The following SLIRP variants were observed in gnomAD, a reference collection of about 807,000 sequenced individuals.
SLIRP encodes SRA stem-loop-interacting RNA-binding protein, mitochondrial.
A neutral mutation model predicts 13.4 loss-of-function variants in SLIRP; 12 were observed. The ratio of observed to expected loss-of-function variants is 0.89; its 90% CI spans 0.57 to 1.45. SLIRP has a LOEUF of 1.45. Among genes scored for constraint, SLIRP ranks in the 40% most tolerant of loss-of-function variants. SLIRP has a pLI of 0.00. For missense variants in SLIRP, 154 were observed against 132.2 expected (o/e 1.17, Z -0.81); for synonymous variants, 55 against 47.1 (o/e 1.17, Z -0.69).
At chr14:77,715,281 C>G (rs2080467534) in intron 2 of SLIRP, among the ~76,000 whole-genome samples, 1 of 152,098 alleles carries the variant, frequency 6.6e-6, no homozygotes, top group African/African-American at 2.4e-5. Flanking sequence ...AGCTTAACAA[C>G]ACAGGGATTT....
chr14:77,713,485 AAG>A (rs2080455734), intron 2 of SLIRP, among the ~76,000 whole-genome samples: 1 of 152,200 alleles, frequency 6.6e-6, no homozygotes, highest in Admixed American at 6.5e-5. Flanking sequence ...AGTGCCGGTG[AAG>A]GTGTAGGGAA....
At chr14:77,717,371 C>T in intron 3 of SLIRP, 125 bp from the exon 4 acceptor site, 9 of 775,642 alleles carry the variant, frequency 1.2e-5, no homozygotes, top group Non-Finnish European at 1.9e-5. Context: ...AACGAAAGAA[C>T]AAGGGACAAA....
chr14:77,710,888 T>C lies in SLIRP; in HGVS notation c.148T>C (p.Leu50=). Reference sequence around the variant, plus strand: ...GTTCGGCCATGTCAGAAGGTGCATTTTACCTTTTGTAAGTATTAAGGAAAA... The same window carrying C: ...GTTCGGCCATGTCAGAAGGTGCATTCTACCTTTTGTAAGTATTAAGGAAAA... ...AQFGHVRRCI[L]PFDKETGFHR... Residue 50 remains leucine, a synonymous_variant, in exon 2 of 4, where the codon TTA becomes CTA. Coordinates refer to ENST00000557342, the MANE Select transcript of SLIRP (RefSeq NM_031210.6). The C allele has an allele frequency of 6.2e-7, 1 of 1,614,102 alleles. No individual in the cohort carries two copies. Among genetic ancestry groups the C allele is most frequent in the South Asian group, 1.1e-5 (1 of 91,082 alleles).
At chr14:77,711,017 T>C (rs1216771439) in intron 2 of SLIRP, 121 bp downstream of exon 2, 1 of 845,744 alleles carries the variant, frequency 1.2e-6, no homozygotes, top group South Asian at 1.6e-5. Context: ...AATTGTACAT[T>C]TTAAAATAAC....
intron 3 of SLIRP, among the ~76,000 whole-genome samples, chr14:77,717,173 T>C (rs577858126): frequency 6.6e-6 from 1 of 152,312 alleles, no homozygotes; most frequent in East Asian, 1.9e-4. Context: ...TTAGTTTTAA[T>C]GAGACAGGGC....
At chr14:77,713,791 A>T (rs1482846094) in intron 2 of SLIRP, among the ~76,000 whole-genome samples, 1 of 152,154 alleles carries the variant, frequency 6.6e-6, no homozygotes, top group Non-Finnish European at 1.5e-5. Flanking sequence ...TGGACATGAA[A>T]TATTTTCTGT....
rs1566823773 is a variant in SLIRP, at chr14:77,717,535, T to C, written c.304T>C (p.Ser102Pro). Residue 102 changes from serine (S) to proline (P), a missense_variant, in exon 4 of 4, where the codon TCT becomes CCT. Coordinates refer to ENST00000557342, the MANE Select transcript of SLIRP (RefSeq NM_031210.6). ...TAGAAGGCCAAAACTTCCGCAAACATCTGATGATGAAAAGAAAGATTTTTG... is the reference window on the plus strand; with the variant it reads ...TAGAAGGCCAAAACTTCCGCAAACACCTGATGATGAAAAGAAAGATTTTTG... ...HTRRPKLPQTSDDEKKDF is the reference protein window; with the variant it reads ...HTRRPKLPQTPDDEKKDF 4 of 1,614,070 alleles carry C rather than the reference T, an allele frequency of 2.5e-6. No individual in the cohort carries two copies. In the Admixed American group the frequency reaches 6.7e-5, roughly 27 times the overall value.
chr14:77,715,776 A>G lies in SLIRP; in HGVS notation c.161A>G (p.Lys54Arg). The G allele has an allele frequency of 6.2e-7, 1 of 1,612,188 alleles. No homozygotes were observed. The highest frequency in any genetic ancestry group is 1.3e-5 in the African/African-American group (1 of 74,930). ...HVRRCILPFD[K>R]ETGFHRGLGW... ...TCCTATATTTTGAATTTTTAGGACA[A>G]GGAGACTGGCTTTCACAGAGGTTTG... Residue 54 changes from lysine to arginine, a missense_variant, in exon 3 of 4, where the codon AAG (lysine) becomes AGG (arginine). Lys to Arg is a conservative substitution (Grantham distance 26, BLOSUM62 2). Coordinates refer to ENST00000557342, the MANE Select transcript of SLIRP (RefSeq NM_031210.6).
At chr14:77,713,964 T>C (rs77686520) in intron 2 of SLIRP, among the ~76,000 whole-genome samples, 2,059 of 151,994 alleles carry the variant, frequency 0.014, 57 homozygotes, top group African/African-American at 0.047. Flanking sequence ...AAATAAAATA[T>C]GACAAAAAAA....
chr14:77,711,525 C>T (rs955991419), intron 2 of SLIRP, among the ~76,000 whole-genome samples: 1 of 151,578 alleles, frequency 6.6e-6, no homozygotes. Flanking sequence ...GACAGGGTTT[C>T]GCCATACTGT....
intron 3 of SLIRP, among the ~76,000 whole-genome samples, chr14:77,717,092 C>CTGGG (rs1238932182): frequency 6.6e-6 from 1 of 152,100 alleles, no homozygotes. Context: ...GTCAGGCAAG[C>CTGGG]TGGGGCTGAA....
At chr14:77,711,502 A>G (rs1268403046) in intron 2 of SLIRP, among the ~76,000 whole-genome samples, 2 of 150,308 alleles carry the variant, frequency 1.3e-5, no homozygotes, top group Non-Finnish European at 3.0e-5. Flanking sequence ...CTTTTTTGGT[A>G]TTTTTTAGTG....
intron 2 of SLIRP, among the ~76,000 whole-genome samples, chr14:77,711,468 A>G (rs1326295715): frequency 6.7e-6 from 1 of 149,880 alleles, no homozygotes; most frequent in Non-Finnish European, 1.5e-5. Flanking sequence ...GGGACTATAG[A>G]CATGTGCCAC....
intron 3 of SLIRP, among the ~76,000 whole-genome samples, chr14:77,717,062 G>GC (rs35549769): frequency 6.6e-6 from 1 of 152,190 alleles, no homozygotes; most frequent in Non-Finnish European, 1.5e-5. Flanking sequence ...ACAGCGCCTG[G>GC]CCAGCAGTCT....
In SLIRP at chr14:77,708,130, A is replaced by C. The variant is rs11159286; in HGVS notation, c.19A>C (p.Arg7=). The C allele has an allele frequency of 0.95, 1,530,799 of 1,614,056 alleles. 727,448 individuals carry two copies. The highest frequency in any genetic ancestry group is 0.97 in the Non-Finnish European group (1,141,381 of 1,180,008). MAASAA[R]GAAALRRSIN... Reference sequence around the variant, plus strand: ...TCTGAAGATGGCGGCCTCAGCAGCGAGAGGTGCTGCGGCGCTGCGTAGAAG... The same window carrying C: ...TCTGAAGATGGCGGCCTCAGCAGCGCGAGGTGCTGCGGCGCTGCGTAGAAG... The change falls in exon 1 of 4, where the codon AGA becomes CGA. Residue 7 remains arginine, a synonymous_variant. Coordinates refer to ENST00000557342, the MANE Select transcript of SLIRP (RefSeq NM_031210.6).
intron 3 of SLIRP, among the ~76,000 whole-genome samples, chr14:77,717,200 G>T (rs1443413916): frequency 6.6e-6 from 1 of 152,124 alleles, no homozygotes; most frequent in African/African-American, 2.4e-5. Flanking sequence ...ATGTTGCAGG[G>T]TGGTGTTGAA....
intron 1 of SLIRP, chr14:77,710,605 G>C (rs1203301919): frequency 6.6e-7 from 1 of 1,506,296 alleles, no homozygotes; most frequent in Admixed American, 2.0e-5. Flanking sequence ...CTCGATATTT[G>C]CTGAGGATGG....
chr14:77,712,420 T>G (rs1003266266), intron 2 of SLIRP, among the ~76,000 whole-genome samples: 18 of 139,518 alleles, frequency 1.3e-4, no homozygotes, highest in African/African-American at 4.9e-4. Context: ...ACTACAGGCA[T>G]GCGCCACCAC....
intron 2 of SLIRP, among the ~76,000 whole-genome samples, chr14:77,712,380 T>C (rs1468329600): frequency 1.3e-5 from 2 of 151,524 alleles, no homozygotes; most frequent in African/African-American, 4.8e-5. Flanking sequence ...TTCAAGCCAT[T>C]CTCCTGCCTC....
Sources: allele counts gnomAD v4.1 joint callset (sites outside exome capture counted in the v4.1 genomes callset), GRCh38; gene constraint gnomAD v4.1.1; transcripts MANE v1.5; gene names NCBI Gene and HGNC (gene_info 2026-07-23, HGNC 2026-07-21).